The following BANK1 variants were observed in gnomAD, a reference collection of about 807,000 sequenced individuals.
The protein encoded by BANK1 is B-cell scaffold protein with ankyrin repeats.
In BANK1, 95 loss-of-function variants were observed where a neutral mutation model predicts 94.5. That is an observed-to-expected ratio of 1.00 (90% CI 0.85 to 1.19). The LOEUF (loss-of-function observed/expected upper bound fraction) is 1.19, where lower values mean the gene tolerates loss of function less well. BANK1 is among the 50% of genes most tolerant of loss of function. The pLI, the probability that BANK1 is intolerant of heterozygous loss-of-function variation, is 0.00. For missense variants in BANK1, 987 were observed against 932.2 expected, an observed-to-expected ratio of 1.06 and a Z score of -0.77; for synonymous variants, 334 against 308.4, an observed-to-expected ratio of 1.08 and a Z score of -0.87.
At chr4:101,877,906 A>G (rs1216211901) in intron 5 of BANK1, among the ~76,000 whole-genome samples, 1 of 152,120 alleles carries the variant, frequency 6.6e-6, no homozygotes, top group Non-Finnish European at 1.5e-5. Flanking sequence ...ATAAAATAGT[A>G]CTTTCAATCC....
intron 1 of BANK1, among the ~76,000 whole-genome samples, chr4:101,814,691 G>A (rs1260965070): frequency 2.0e-5 from 3 of 152,098 alleles, no homozygotes; most frequent in African/African-American, 7.2e-5. Context: ...ACTTACTATT[G>A]GTGTGACCTT....
intron 5 of BANK1, among the ~76,000 whole-genome samples, chr4:101,880,275 G>T (rs1728630717): frequency 6.6e-6 from 1 of 151,812 alleles, no homozygotes; most frequent in South Asian, 2.1e-4. Context: ...AAAAAACAAT[G>T]ATATTTCTGT....
intron 6 of BANK1, among the ~76,000 whole-genome samples, chr4:101,913,971 A>G (rs900357302): frequency 4.6e-5 from 7 of 152,202 alleles, no homozygotes; most frequent in African/African-American, 1.7e-4. Flanking sequence ...CAATTTTACA[A>G]AACTTTCAAA....
chr4:102,016,234 G>A (rs1004228359), intron 7 of BANK1, among the ~76,000 whole-genome samples: 1 of 152,052 alleles, frequency 6.6e-6, no homozygotes, highest in African/African-American at 2.4e-5. Context: ...TATTTTAAAT[G>A]TATGTTTCAT....
At chr4:101,882,736 T>G (rs1297191444) in intron 5 of BANK1, among the ~76,000 whole-genome samples, 1 of 152,188 alleles carries the variant, frequency 6.6e-6, no homozygotes, top group Admixed American at 6.5e-5. Flanking sequence ...CAAGATCACT[T>G]TCAACTCAAG....
At chr4:101,847,702 T>C (rs563681022) in intron 2 of BANK1, among the ~76,000 whole-genome samples, 1 of 151,424 alleles carries the variant, frequency 6.6e-6, no homozygotes, top group East Asian at 2.0e-4. Flanking sequence ...TGCTGTTAAT[T>C]CATTCCTTTT....
chr4:102,053,397 A>G (rs931564249), intron 11 of BANK1, among the ~76,000 whole-genome samples: 1 of 152,164 alleles, frequency 6.6e-6, no homozygotes, highest in Non-Finnish European at 1.5e-5. Flanking sequence ...TTTAACTTAC[A>G]TTTTCTACTA....
intron 7 of BANK1, among the ~76,000 whole-genome samples, chr4:102,002,581 AC>A (rs1726116730): frequency 6.6e-6 from 1 of 151,816 alleles, no homozygotes; most frequent in African/African-American, 2.4e-5. Context: ...ACACACACAC[AC>A]ACACACATAT....
intron 7 of BANK1, among the ~76,000 whole-genome samples, chr4:101,991,526 C>G (rs1463573817): frequency 6.6e-6 from 1 of 152,134 alleles, no homozygotes; most frequent in Non-Finnish European, 1.5e-5. Flanking sequence ...AAAATGTCTT[C>G]TACATTCCAC....
chr4:102,047,376 CTTTA>C (rs1472838597), intron 11 of BANK1, among the ~76,000 whole-genome samples: 20 of 152,010 alleles, frequency 1.3e-4, no homozygotes, highest in Non-Finnish European at 2.8e-4. Flanking sequence ...GCAAAAAACT[CTTTA>C]TTTGACAGTT....
intron 1 of BANK1, among the ~76,000 whole-genome samples, chr4:101,798,403 A>G (rs1560578272): frequency 1.3e-5 from 2 of 152,316 alleles, no homozygotes; most frequent in Non-Finnish European, 2.9e-5. Flanking sequence ...GTTTTCTGCT[A>G]TGAAAACTTA....
intron 1 of BANK1, among the ~76,000 whole-genome samples, chr4:101,800,037 A>C (rs1230864589): frequency 6.6e-6 from 1 of 150,612 alleles, no homozygotes; most frequent in Non-Finnish European, 1.5e-5. Context: ...AAGGACAGAA[A>C]ACTAAACACT....
At chr4:102,038,207 T>G (rs1051702412) in intron 10 of BANK1, among the ~76,000 whole-genome samples, 1 of 152,154 alleles carries the variant, frequency 6.6e-6, no homozygotes, top group African/African-American at 2.4e-5. Flanking sequence ...TATCATCCTG[T>G]GAAATATAAC....
intron 7 of BANK1, among the ~76,000 whole-genome samples, chr4:101,991,556 C>T (rs535822437): frequency 1.3e-5 from 2 of 152,184 alleles, no homozygotes; most frequent in Admixed American, 1.3e-4. Context: ...ATTTTTTTGA[C>T]ACTCTGACTT....
chr4:102,004,233 T>A (rs765283697), intron 7 of BANK1, among the ~76,000 whole-genome samples: 2 of 152,192 alleles, frequency 1.3e-5, no homozygotes, highest in Non-Finnish European at 2.9e-5. Flanking sequence ...AATTTATTTG[T>A]TGAATGAATG....
intron 16 of BANK1, 86 bp from the exon 17 acceptor site, chr4:102,073,919 T>G (rs752421621): frequency 4.1e-6 from 2 of 489,558 alleles, no homozygotes; most frequent in Admixed American, 7.8e-5. Context: ...GAAAGATTTA[T>G]GTACAGGGGT....
At chr4:101,953,541 T>TAAAAAAAAAAAAA (rs200653603) in intron 7 of BANK1, among the ~76,000 whole-genome samples, 1 of 143,798 alleles carries the variant, frequency 7.0e-6, no homozygotes. Flanking sequence ...ATCTATTTAG[T>TAAAAAAAAAAAAA]AAAAAAAAAA....
chr4:102,000,644 T>C lies in BANK1; in HGVS notation c.1207-20870T>C, dbSNP rs186898792. 1.4e-3 allele frequency among the ~76,000 whole-genome samples: 216 copies of C among 152,290 alleles called. 5 individuals carry two copies. Among genetic ancestry groups the C allele is most frequent in the East Asian group, 4.0e-3 (21 of 5,188 alleles). On this transcript the variant is annotated intron_variant, in intron 7 of 16. Coordinates refer to ENST00000322953, the MANE Select transcript of BANK1 (RefSeq NM_017935.5). ...AAAAAGAAAAAAGGAAACTGATACA[T>C]GTGTTGCAATAATTCAGGTAAGCAA... is the stretch of plus-strand genomic sequence containing the variant.
rs1727785370 is a variant in BANK1, at chr4:102,043,877, G to A, written c.1939G>A (p.Asp647Asn). The change falls in exon 11 of 17, where the codon GAC (aspartate) becomes AAC (asparagine). Residue 647 changes from aspartate (D) to asparagine (N), a missense_variant. Transcript: ENST00000322953. ...QKTARRQSDDDKFCGLPKKQD... is the reference protein window; with the variant it reads ...QKTARRQSDDNKFCGLPKKQD... ...GACAGCCAGAAGACAATCTGATGATGACAAGTTCTGTGGTCTTCCTAAGAA... is the reference window on the plus strand; with the variant it reads ...GACAGCCAGAAGACAATCTGATGATAACAAGTTCTGTGGTCTTCCTAAGAA... The A allele has an allele frequency of 1.2e-6, 2 of 1,603,254 alleles. No homozygotes were observed. Among genetic ancestry groups the A allele is most frequent in the African/African-American group, 1.3e-5 (1 of 74,574 alleles).
Sources: gnomAD v4.1 joint callset for allele counts (sites outside exome capture counted in the v4.1 genomes callset) on GRCh38, gnomAD v4.1.1 for gene constraint, MANE v1.5 for transcripts, NCBI Gene and HGNC (gene_info 2026-07-23, HGNC 2026-07-21) for gene names.